UBR2: variants seen among roughly 807,000 people sequenced by gnomAD.
The protein encoded by UBR2 is E3 ubiquitin-protein ligase UBR2.
In UBR2, 92 loss-of-function variants were observed where a neutral mutation model predicts 247.9. The observed-to-expected ratio is 0.37, with a 90% CI of 0.31 to 0.44. The LOEUF is 0.44. Ranked by LOEUF, UBR2 falls within the 20% of genes least tolerant of loss-of-function variation. The pLI, the probability that UBR2 is intolerant of heterozygous loss-of-function variation, is 1.00. For missense variants in UBR2, 1,613 were observed against 2,112.6 expected, an observed-to-expected ratio of 0.76 and a Z score of 4.64; for synonymous variants, 672 against 693.5, an observed-to-expected ratio of 0.97 and a Z score of 0.49.
chr6:42,627,943 T>C (rs968507246), intron 11 of UBR2, among the ~76,000 whole-genome samples: 5 of 152,166 alleles, frequency 3.3e-5, no homozygotes, highest in African/African-American at 1.2e-4. Context: ...TGAAGTCAAT[T>C]AGGTCAGATC....
intron 11 of UBR2, among the ~76,000 whole-genome samples, chr6:42,624,368 G>A (rs1040676080): frequency 6.6e-6 from 1 of 150,566 alleles, no homozygotes; most frequent in Non-Finnish European, 1.5e-5. Flanking sequence ...GCCCAGGCTA[G>A]TCTTGAACTC....
At chr6:42,668,765 G>A (rs1798264103) in intron 34 of UBR2, among the ~76,000 whole-genome samples, 1 of 151,604 alleles carries the variant, frequency 6.6e-6, no homozygotes. Flanking sequence ...CTTTTTTAGA[G>A]ACAGGTTCTA....
intron 10 of UBR2, among the ~76,000 whole-genome samples, chr6:42,616,432 A>G (rs1794556093): frequency 6.6e-6 from 1 of 152,040 alleles, no homozygotes; most frequent in East Asian, 1.9e-4. Flanking sequence ...ATATATATGA[A>G]TATGATTTAA....
At chr6:42,614,439 C>CGTACATACATACGTTTATACGTATGTAT (rs1562312402) in intron 8 of UBR2, among the ~76,000 whole-genome samples, 1 of 91,996 alleles carries the variant, frequency 1.1e-5, no homozygotes, top group African/African-American at 4.3e-5. Context: ...TATGTATGTA[C>CGTACATACATACGTTTATACGTATGTAT]GTACATATAT....
chr6:42,632,586 G>A lies in UBR2; in HGVS notation c.1316G>A (p.Ser439Asn), dbSNP rs1474297497. 1 of 1,610,510 alleles carries A rather than the reference G, an allele frequency of 6.2e-7. No individual in the cohort carries two copies. The highest frequency in any genetic ancestry group is 1.1e-5 in the South Asian group (1 of 90,182). The part of the protein sequence containing the change: ...RMLITEENLM[S>N]IIIKTFMDHL... ...CTCATCACAGAAGAAAACTTAATGA[G>A]CATTATCATTAAGACTTTTATGGAT... is the stretch of plus-strand genomic sequence containing the variant. Residue 439 changes from serine to asparagine, a missense_variant, in exon 12 of 47, where the codon AGC (serine) becomes AAC (asparagine). By Grantham distance (46) the Ser-to-Asn change is conservative. Around this residue, in one of 3 missense-constraint regions of UBR2, gnomAD observed 1,524 missense variants for 1,967.3 expected, o/e 0.77. Coordinates refer to ENST00000372901, the MANE Select transcript of UBR2 (RefSeq NM_001363705.2).
chr6:42,634,505 A>G (rs1000667304), intron 13 of UBR2, among the ~76,000 whole-genome samples: 6 of 152,160 alleles, frequency 3.9e-5, no homozygotes, highest in African/African-American at 1.4e-4. Context: ...CCCAGGCGGG[A>G]GTGCAGTGGC....
intron 15 of UBR2, 126 bp downstream of exon 15, chr6:42,637,320 A>C (rs1796159214): frequency 1.5e-5 from 16 of 1,057,682 alleles, no homozygotes; most frequent in Non-Finnish European, 2.1e-5. Context: ...TAACTTATCC[A>C]ATCATCACAT....
intron 42 of UBR2, 36 bp from the exon 43 acceptor site, chr6:42,683,019 G>C: frequency 6.7e-7 from 1 of 1,502,974 alleles, no homozygotes; most frequent in East Asian, 2.5e-5. Flanking sequence ...CCCTTTAAAA[G>C]TGTTTTGTGT....
intron 22 of UBR2, 43 bp from the exon 23 acceptor site, chr6:42,650,241 G>A (rs1582644635): frequency 1.3e-6 from 2 of 1,487,154 alleles, no homozygotes; most frequent in East Asian, 4.5e-5. Flanking sequence ...ATAAATTAGT[G>A]TATGGCTTTG....
At chr6:42,620,344 A>C (rs542831607) in intron 11 of UBR2, 1 of 152,134 alleles carries the variant, frequency 6.6e-6, no homozygotes, top group South Asian at 2.1e-4. Context: ...TTGTCCTTTG[A>C]TTATCTATTG....
intron 21 of UBR2, among the ~76,000 whole-genome samples, chr6:42,646,914 C>G (rs1252117805): frequency 1.3e-5 from 2 of 151,862 alleles, no homozygotes; most frequent in African/African-American, 4.8e-5. Context: ...CTCTGCCTCC[C>G]GAGTTCAAGC....
chr6:42,605,796 T>A lies in UBR2; in HGVS notation c.738T>A (p.Leu246=). 1.9e-6 allele frequency: 3 copies of A among 1,613,294 alleles called. No individual in the cohort carries two copies. The South Asian group carries it at 3.3e-5, about 18-fold the overall frequency. Residue 246 remains leucine, a synonymous_variant, in exon 6 of 47, where the codon CTT becomes CTA. Transcript: ENST00000372901. ...VHTYEQVIYT[L]QKAVNCTQKE... is the part of the protein sequence containing the mutation. ...CCTATGAACAAGTTATTTATACTCT[T>A]CAGAAAGCTGTTAACTGTACACAAA...
chr6:42,583,625 C>T (rs1311448691), intron 2 of UBR2, among the ~76,000 whole-genome samples: 2 of 151,708 alleles, frequency 1.3e-5, no homozygotes, highest in Middle Eastern at 3.2e-3. Context: ...AGGTTCAAGC[C>T]ATTCTCCTGC....
chr6:42,635,631 T>G, intron 14 of UBR2, 85 bp downstream of exon 14: 2 of 1,488,218 alleles, frequency 1.3e-6, no homozygotes, highest in Non-Finnish European at 9.2e-7. Flanking sequence ...CAAGGAGATC[T>G]GGAGAAAATA....
intron 31 of UBR2, among the ~76,000 whole-genome samples, chr6:42,662,774 G>T (rs961730156): frequency 2.0e-5 from 3 of 152,124 alleles, no homozygotes; most frequent in African/African-American, 7.2e-5. Context: ...TGCTCACCCA[G>T]TTATCATGAA....
At chr6:42,642,811 T>C (rs1251666920) in intron 18 of UBR2, among the ~76,000 whole-genome samples, 1 of 152,244 alleles carries the variant, frequency 6.6e-6, no homozygotes, top group Non-Finnish European at 1.5e-5. Context: ...TTCATTGTCC[T>C]CTGGTTCTTT....
intron 46 of UBR2, among the ~76,000 whole-genome samples, chr6:42,690,319 G>T: frequency 6.6e-6 from 1 of 152,218 alleles, no homozygotes; most frequent in South Asian, 2.1e-4. Flanking sequence ...TGCCCCAGGC[G>T]CTGGACTGCG....
At chr6:42,649,143 G>A (rs2151964548) in intron 22 of UBR2, among the ~76,000 whole-genome samples, 1 of 152,218 alleles carries the variant, frequency 6.6e-6, no homozygotes, top group South Asian at 2.1e-4. Context: ...AAGTAGCTGG[G>A]ATTACAGGCG....
chr6:42,667,587 C>CTTTTTTTTTTTTTTTTTTTTTTTTTTT (rs1161068427), intron 34 of UBR2, among the ~76,000 whole-genome samples: 2 of 47,428 alleles, frequency 4.2e-5, no homozygotes, highest in Non-Finnish European at 3.4e-5. Context: ...ACAGTTTTGT[C>CTTTTTTTTTTTTTTTTTTTTTTTTTTT]TTTTTTTTTT....
Sources: gnomAD v4.1 joint callset for allele counts (sites outside exome capture counted in the v4.1 genomes callset) on GRCh38, gnomAD v4.1.1 for gene constraint, gnomAD v4.1.1 regional missense constraint, MANE v1.5 for transcripts, NCBI Gene and HGNC (gene_info 2026-07-23, HGNC 2026-07-21) for gene names.